The following TXNDC12 variants were observed in gnomAD, a reference collection of about 807,000 sequenced individuals.
TXNDC12 encodes the protein thioredoxin domain-containing protein 12.
A neutral mutation model predicts 24.2 loss-of-function variants in TXNDC12; 22 were observed. That is an observed-to-expected ratio of 0.91 (90% CI 0.65 to 1.30). TXNDC12 has a LOEUF of 1.30. Among genes scored for constraint, TXNDC12 ranks in the 50% most tolerant of loss-of-function variants. TXNDC12 has a pLI of 0.00. For synonymous variants in TXNDC12, 58 were observed against 73.4 expected (o/e 0.79, Z 1.07); for missense variants, 184 against 205.8 (o/e 0.89, Z 0.65).
intron 2 of TXNDC12, among the ~76,000 whole-genome samples, chr1:52,040,894 T>C (rs1685975213): frequency 6.7e-6 from 1 of 149,962 alleles, no homozygotes. Flanking sequence ...TAGCCGGCAA[T>C]GGTGGCACAT....
intron 2 of TXNDC12, among the ~76,000 whole-genome samples, chr1:52,037,794 A>C (rs988796071): frequency 6.6e-6 from 1 of 151,484 alleles, no homozygotes; most frequent in African/African-American, 2.4e-5. Flanking sequence ...GACAAACTTG[A>C]CTCAAACTCC....
intron 2 of TXNDC12, among the ~76,000 whole-genome samples, chr1:52,034,541 G>C (rs562986422): frequency 6.6e-6 from 1 of 152,220 alleles, no homozygotes; most frequent in South Asian, 2.1e-4. Flanking sequence ...ATATTGCATA[G>C]ACATATTTAA....
At chr1:52,037,430 T>A (rs1016078570) in intron 2 of TXNDC12, among the ~76,000 whole-genome samples, 1 of 152,118 alleles carries the variant, frequency 6.6e-6, no homozygotes, top group African/African-American at 2.4e-5. Flanking sequence ...CAGGCTGGTC[T>A]GGAACTCCCA....
At chr1:52,029,059 C>G (rs926783556) in intron 2 of TXNDC12, among the ~76,000 whole-genome samples, 1 of 152,132 alleles carries the variant, frequency 6.6e-6, no homozygotes, top group Non-Finnish European at 1.5e-5. Flanking sequence ...GCCTGGGAGG[C>G]AGAGGTTGCA....
Position 52,027,265 on chromosome 1 carries a change from A to C in TXNDC12, c.285+10T>G. 1 of 1,596,948 alleles carries C rather than the reference A, an allele frequency of 6.3e-7. No individual in the cohort carries two copies. Among genetic ancestry groups the C allele is most frequent in the Non-Finnish European group, 8.6e-7 (1 of 1,166,294 alleles). ...ATCATAGCAGAAAGGAGAAACTCTC[A>C]AAGTCTTACCTCAAGATTTACCATA... On this transcript the variant is annotated intron_variant, in intron 4 of 6. Coordinates refer to ENST00000371626, the MANE Select transcript of TXNDC12 (RefSeq NM_015913.4).
intron 2 of TXNDC12, chr1:52,033,787 C>T (rs114190370): frequency 9.7e-6 from 15 of 1,540,622 alleles, no homozygotes; most frequent in Non-Finnish European, 1.3e-5. Flanking sequence ...CCATTGGCAA[C>T]CGCGCTGCGC....
chr1:52,052,656 T>C (rs1686238523), intron 1 of TXNDC12: 1 of 154,598 alleles, frequency 6.5e-6, no homozygotes, highest in Non-Finnish European at 1.5e-5. Flanking sequence ...ACTCACACAA[T>C]TGTGAGCATA....
intron 1 of TXNDC12, among the ~76,000 whole-genome samples, chr1:52,045,247 G>A (rs1686070190): frequency 6.6e-6 from 1 of 152,172 alleles, no homozygotes; most frequent in Admixed American, 6.6e-5. Flanking sequence ...CAGGGATTCT[G>A]GGGGAGAGAG....
intron 2 of TXNDC12, chr1:52,032,924 G>C (rs548825981): frequency 6.2e-7 from 1 of 1,609,408 alleles, no homozygotes; most frequent in South Asian, 1.1e-5. Context: ...GCCAGTACTT[G>C]ACTCGTGACC....
At chr1:52,024,703 A>G (rs1685649299) in intron 4 of TXNDC12, 124 bp from the exon 5 acceptor site, 9 of 687,930 alleles carry the variant, frequency 1.3e-5, no homozygotes, top group Admixed American at 9.3e-5. Flanking sequence ...AAGGCCCTAC[A>G]TGATCTATCA....
intron 2 of TXNDC12, among the ~76,000 whole-genome samples, chr1:52,040,604 T>A (rs1160912982): frequency 1.3e-5 from 2 of 152,382 alleles, no homozygotes; most frequent in Admixed American, 6.5e-5. Flanking sequence ...ACCAATTTTT[T>A]AAGTTTTTTG....
At chr1:52,048,007 A>G (rs1302542885) in intron 1 of TXNDC12, among the ~76,000 whole-genome samples, 2 of 152,218 alleles carry the variant, frequency 1.3e-5, no homozygotes, top group Non-Finnish European at 2.9e-5. Flanking sequence ...AAGGGCAAAA[A>G]GAAAAAAAAG....
At chr1:52,038,564 G>A (rs1344556253) in intron 2 of TXNDC12, among the ~76,000 whole-genome samples, 1 of 152,040 alleles carries the variant, frequency 6.6e-6, no homozygotes, top group Non-Finnish European at 1.5e-5. Context: ...CACCCGCCTT[G>A]GACTGCCAAA....
At chr1:52,022,046 G>T (rs1000368691) in intron 6 of TXNDC12, among the ~76,000 whole-genome samples, 1 of 152,132 alleles carries the variant, frequency 6.6e-6, no homozygotes, top group Non-Finnish European at 1.5e-5. Flanking sequence ...TCTCCACGTG[G>T]AAAATTTCCC....
Position 52,053,299 on chromosome 1 carries a change from A to G in TXNDC12, c.97+1701T>C, listed in dbSNP as rs573003203. On this transcript the variant is annotated intron_variant, in intron 1 of 6. Coordinates refer to ENST00000371626, the MANE Select transcript of TXNDC12 (RefSeq NM_015913.4). ...CAAACAAACAGAAAAAACAGCAAAGAAAAAACTCAGATCTAAACCCACGTA... is the reference window on the plus strand; with the variant it reads ...CAAACAAACAGAAAAAACAGCAAAGGAAAAACTCAGATCTAAACCCACGTA... 2.6e-5 allele frequency among the ~76,000 whole-genome samples: 4 copies of G among 152,056 alleles called. No homozygotes were observed. In the South Asian group the frequency reaches 8.3e-4, roughly 32 times the overall value.
At chr1:52,024,782 T>C in intron 4 of TXNDC12, 4 of 502,950 alleles carry the variant, frequency 8.0e-6, no homozygotes, top group Non-Finnish European at 1.4e-5. Context: ...GACCTCTTGC[T>C]GTTGCTGTCA....
chr1:52,042,520 G>A (rs1187254847), intron 1 of TXNDC12, among the ~76,000 whole-genome samples: 1 of 151,258 alleles, frequency 6.6e-6, no homozygotes, highest in Non-Finnish European at 1.5e-5. Context: ...GAATAAAGTG[G>A]TATGATCTTG....
upstream of TXNDC12, chr1:52,056,071 T>A (rs917465994): frequency 1.3e-5 from 2 of 152,314 alleles, no homozygotes; most frequent in South Asian, 2.1e-4. Context: ...CACCCTTTTA[T>A]TAGGTTCCCT....
At chr1:52,033,714 C>G in intron 2 of TXNDC12, 1 of 1,610,372 alleles carries the variant, frequency 6.2e-7, no homozygotes, top group South Asian at 1.1e-5. Flanking sequence ...CTTCAGCACG[C>G]CGGCTCTTGC....
Sources: allele counts gnomAD v4.1 joint callset (sites outside exome capture counted in the v4.1 genomes callset), GRCh38; gene constraint gnomAD v4.1.1; transcripts MANE v1.5; gene names NCBI Gene and HGNC (gene_info 2026-07-23, HGNC 2026-07-21).